The following LRP1B variants were observed in gnomAD, a reference collection of about 807,000 sequenced individuals.
LRP1B encodes the protein LDL receptor related protein 1B, also known as low-density lipoprotein receptor-related protein 1B.
Under a neutral mutation model 556.6 loss-of-function variants are expected in LRP1B, and 217 were observed. The observed-to-expected ratio is 0.39, with a 90% CI of 0.35 to 0.44. LRP1B has a LOEUF of 0.44. Ranked by LOEUF, LRP1B falls within the 20% of genes least tolerant of loss-of-function variation. LRP1B has a pLI of 1.00. For missense variants in LRP1B, 5,053 were observed against 5,620.8 expected, an observed-to-expected ratio of 0.90 and a Z score of 3.23; for synonymous variants, 2,047 against 1,865.8, an observed-to-expected ratio of 1.10 and a Z score of -2.50.
chr2:140,353,182 G>T, intron 75 of LRP1B, 110 bp from the exon 76 acceptor site: 5 of 1,072,784 alleles, frequency 4.7e-6, no homozygotes, highest in Non-Finnish European at 6.9e-6. Context: ...TAGCTTTATT[G>T]TCCTTTCACA....
intron 2 of LRP1B, among the ~76,000 whole-genome samples, chr2:141,592,681 T>C (rs1687383155): frequency 6.6e-6 from 1 of 152,146 alleles, no homozygotes; most frequent in African/African-American, 2.4e-5. Context: ...AAAAGACTCA[T>C]TAAAAATGAG....
chr2:141,599,192 G>C (rs1687644502), intron 2 of LRP1B, among the ~76,000 whole-genome samples: 1 of 150,794 alleles, frequency 6.6e-6, no homozygotes, highest in South Asian at 2.1e-4. Flanking sequence ...TATCACTTTT[G>C]TTCATAGCTA....
At chr2:140,481,420 A>G (rs1448968414) in intron 59 of LRP1B, among the ~76,000 whole-genome samples, 1 of 152,082 alleles carries the variant, frequency 6.6e-6, no homozygotes, top group Non-Finnish European at 1.5e-5. Context: ...AAAGTCACTT[A>G]GCCAGTTCGT....
intron 2 of LRP1B, among the ~76,000 whole-genome samples, chr2:141,535,688 AC>A (rs1464579209): frequency 6.6e-6 from 1 of 152,126 alleles, no homozygotes; most frequent in African/African-American, 2.4e-5. Context: ...AAAGTTTGGT[AC>A]TTTTATACAA....
chr2:141,774,177 G>A (rs1360842137), intron 2 of LRP1B, among the ~76,000 whole-genome samples: 1 of 152,190 alleles, frequency 6.6e-6, no homozygotes, highest in African/African-American at 2.4e-5. Context: ...AGTACAAAAA[G>A]ATAGCTGGAT....
intron 2 of LRP1B, among the ~76,000 whole-genome samples, chr2:141,804,812 G>T (rs1696118791): frequency 6.6e-6 from 1 of 152,004 alleles, no homozygotes; most frequent in African/African-American, 2.4e-5. Flanking sequence ...TTGTACAGAT[G>T]GGATAATGAA....
chr2:141,244,761 C>T (rs1684007790), intron 5 of LRP1B, among the ~76,000 whole-genome samples: 1 of 152,078 alleles, frequency 6.6e-6, no homozygotes, highest in South Asian at 2.1e-4. Flanking sequence ...ATCCATGTGA[C>T]CTTTAGAACT....
At chr2:141,775,653 T>C (rs1695042539) in intron 2 of LRP1B, among the ~76,000 whole-genome samples, 2 of 152,162 alleles carry the variant, frequency 1.3e-5, no homozygotes, top group South Asian at 4.1e-4. Context: ...CAAATGGTAC[T>C]AGCATTAAAG....
chr2:140,478,236 G>C (rs796215142), intron 59 of LRP1B, among the ~76,000 whole-genome samples: 1 of 138,158 alleles, frequency 7.2e-6, no homozygotes, highest in Non-Finnish European at 1.5e-5. Context: ...TGCAGCCTCC[G>C]CCTCCCGGGT....
At chr2:140,648,716 A>G (rs1440181042) in intron 41 of LRP1B, among the ~76,000 whole-genome samples, 2 of 152,204 alleles carry the variant, frequency 1.3e-5, no homozygotes, top group African/African-American at 4.8e-5. Flanking sequence ...AAAGAAAGCC[A>G]GTGGGCTTCA....
At chr2:140,941,759 G>A (rs1695410089) in intron 20 of LRP1B, among the ~76,000 whole-genome samples, 1 of 152,048 alleles carries the variant, frequency 6.6e-6, no homozygotes, top group South Asian at 2.1e-4. Flanking sequence ...TTAAACCTTT[G>A]AGGGAAAAGA....
intron 1 of LRP1B, among the ~76,000 whole-genome samples, chr2:142,101,823 G>A (rs549106157): frequency 9.3e-4 from 142 of 151,996 alleles, no homozygotes; most frequent in African/African-American, 3.2e-3. Flanking sequence ...AAAGTATCAC[G>A]TTTAATAGAA....
intron 66 of LRP1B, among the ~76,000 whole-genome samples, chr2:140,426,386 T>G: frequency 6.6e-6 from 1 of 152,200 alleles, no homozygotes; most frequent in East Asian, 1.9e-4. Context: ...CTCAATGAAA[T>G]ATTTCTTTCA....
chr2:140,958,948 A>C (rs1695954076), intron 18 of LRP1B, among the ~76,000 whole-genome samples: 1 of 151,662 alleles, frequency 6.6e-6, no homozygotes, highest in South Asian at 2.1e-4. Context: ...TAAGAGGGAA[A>C]TCAAGAAATA....
At chr2:141,102,679 G>A (rs4954693) in intron 7 of LRP1B, among the ~76,000 whole-genome samples, 1 of 151,608 alleles carries the variant, frequency 6.6e-6, no homozygotes, top group East Asian at 2.0e-4. Context: ...AGAAAAAAAA[G>A]GTACAACTAT....
chr2:140,752,056 C>T (rs1328977627), intron 35 of LRP1B, among the ~76,000 whole-genome samples: 1 of 151,984 alleles, frequency 6.6e-6, no homozygotes, highest in African/African-American at 2.4e-5. Flanking sequence ...ATGGCTCACA[C>T]CTGTAATCCC....
intron 2 of LRP1B, among the ~76,000 whole-genome samples, chr2:141,715,306 A>C (rs76337178): frequency 0.012 from 1,792 of 147,180 alleles, 19 homozygotes; most frequent in South Asian, 0.025. Flanking sequence ...TATCTCTTCA[A>C]ACAAAAGTCA....
chr2:140,539,552 T>C (rs1680056159), intron 45 of LRP1B, among the ~76,000 whole-genome samples: 1 of 152,068 alleles, frequency 6.6e-6, no homozygotes, highest in Non-Finnish European at 1.5e-5. Flanking sequence ...ACAGTTGTAT[T>C]GAAGGTATTA....
At chr2:140,625,399 A>G (rs1281638650) in intron 41 of LRP1B, among the ~76,000 whole-genome samples, 7 of 152,208 alleles carry the variant, frequency 4.6e-5, no homozygotes, top group African/African-American at 1.7e-4. Flanking sequence ...CATTAAACTT[A>G]AAAGCCTGTT....
Sources: gnomAD v4.1 joint callset for allele counts (sites outside exome capture counted in the v4.1 genomes callset) on GRCh38, gnomAD v4.1.1 for gene constraint, MANE v1.5 for transcripts, NCBI Gene and HGNC (gene_info 2026-07-23, HGNC 2026-07-21) for gene names.